The following FAM81A variants were observed in gnomAD, a reference collection of about 807,000 sequenced individuals.
FAM81A encodes the protein family with sequence similarity 81 member A.
Under a neutral mutation model 46.7 loss-of-function variants are expected in FAM81A, and 19 were observed. The ratio of observed to expected loss-of-function variants is 0.41; its 90% CI spans 0.28 to 0.60. The LOEUF (loss-of-function observed/expected upper bound fraction) is 0.60. Ranked by LOEUF, FAM81A falls within the 20% of genes least tolerant of loss-of-function variation. The pLI, the probability that FAM81A is intolerant of heterozygous loss-of-function variation, is 0.34. For synonymous variants in FAM81A, 183 were observed against 152.9 expected (o/e 1.20, Z -1.45); for missense variants, 377 against 453.5 (o/e 0.83, Z 1.53).
rs565144008 is a variant in FAM81A at position 59,498,353 on chromosome 15, T to C, written c.413+5964T>C. Among the ~76,000 whole-genome samples the C allele has an allele frequency of 1.4e-3, 217 of 152,344 alleles. 1 individual carries two copies. Among genetic ancestry groups the C allele is most frequent in the African/African-American group, 4.9e-3 (203 of 41,578 alleles). ...TTTATTGCCACTTAGATAAGTACAG[T>C]AGATTTTGTATATTGGTCTTGTGTC... On this transcript the variant is annotated intron_variant, in intron 4 of 8. Transcript: ENST00000288228.
At chr15:59,441,189 C>T (rs1355216164) in intron 1 of FAM81A, among the ~76,000 whole-genome samples, 2 of 152,234 alleles carry the variant, frequency 1.3e-5, no homozygotes, top group African/African-American at 4.8e-5. Context: ...GAACTGGCTG[C>T]ATTTGTTATT....
chr15:59,514,475 T>G, intron 7 of FAM81A, 51 bp downstream of exon 7: 1 of 1,565,156 alleles, frequency 6.4e-7, no homozygotes, highest in Non-Finnish European at 8.7e-7. Context: ...AGTGGGGGCC[T>G]ACACTGTTTG....
At chr15:59,480,206 G>A (rs2081832236) in intron 3 of FAM81A, among the ~76,000 whole-genome samples, 1 of 152,192 alleles carries the variant, frequency 6.6e-6, no homozygotes, top group Non-Finnish European at 1.5e-5. Context: ...CCCTGTAGGG[G>A]AATACTACCT....
intron 4 of FAM81A, among the ~76,000 whole-genome samples, chr15:59,492,745 TTTA>T (rs1212995278): frequency 3.3e-5 from 5 of 152,340 alleles, no homozygotes; most frequent in Admixed American, 6.5e-5. Flanking sequence ...GTTATTCATT[TTTA>T]TTTTATTTTC....
intron 1 of FAM81A, among the ~76,000 whole-genome samples, chr15:59,457,413 A>G (rs920803596): frequency 3.3e-5 from 5 of 152,176 alleles, no homozygotes; most frequent in African/African-American, 7.2e-5. Flanking sequence ...TTACTTCATA[A>G]TAGCCCCAAA....
intron 3 of FAM81A, among the ~76,000 whole-genome samples, chr15:59,484,727 T>G (rs1423160167): frequency 6.6e-6 from 1 of 152,150 alleles, no homozygotes; most frequent in Admixed American, 6.5e-5. Flanking sequence ...TTTCTTCTGC[T>G]TGAGAAAAGC....
chr15:59,402,464 A>T (rs1233514863), intron 2 of FAM81A: 1 of 152,174 alleles, frequency 6.6e-6, no homozygotes, highest in Non-Finnish European at 1.5e-5. Context: ...CGAGTTACAG[A>T]CTAGTGGCTC....
upstream of FAM81A, chr15:59,438,129 G>T (rs1206069425): frequency 6.8e-6 from 1 of 146,138 alleles, no homozygotes; most frequent in East Asian, 2.0e-4. Context: ...CGGGCCGCGC[G>T]CCGGGCCAGG....
chr15:59,482,873 G>C (rs76847308), intron 3 of FAM81A, among the ~76,000 whole-genome samples: 3,233 of 152,280 alleles, frequency 0.021, 43 homozygotes, highest in Non-Finnish European at 0.03. Flanking sequence ...AACCACATTA[G>C]TCAGATGCGA....
At chr15:59,487,691 C>T (rs1329835009) in intron 3 of FAM81A, among the ~76,000 whole-genome samples, 1 of 151,974 alleles carries the variant, frequency 6.6e-6, no homozygotes, top group Non-Finnish European at 1.5e-5. Context: ...TACAACCTAC[C>T]ACAATTGAAT....
Position 59,518,310 on chromosome 15 carries a change from A to AT in FAM81A, c.982+1477dup, listed in dbSNP as rs1459079016. 2.0e-5 allele frequency among the ~76,000 whole-genome samples: 3 copies of AT among 150,774 alleles called. No individual in the cohort carries two copies. The East Asian group carries it at 5.8e-4, about 29-fold the overall frequency. On this transcript the variant is annotated intron_variant, in intron 8 of 8. Coordinates refer to ENST00000288228, the MANE Select transcript of FAM81A (RefSeq NM_152450.3). ...GCCTTTTTACCCCTTTATTATTTCC[A>AT]TTTTTTTGGAAATTAAAAAAAATGA...
At chr15:59,505,321 G>A (rs182587164) in intron 4 of FAM81A, among the ~76,000 whole-genome samples, 10 of 152,136 alleles carry the variant, frequency 6.6e-5, no homozygotes, top group African/African-American at 1.7e-4. Flanking sequence ...AGACCAGCCC[G>A]GCCAACATGG....
intron 4 of FAM81A, among the ~76,000 whole-genome samples, chr15:59,503,989 C>T (rs916171435): frequency 1.3e-5 from 2 of 152,130 alleles, no homozygotes; most frequent in African/African-American, 4.8e-5. Context: ...TGAGACTTTT[C>T]AAACTACATT....
At position 59,423,248 on chromosome 15, in the gene FAM81A, G is replaced by A. The variant is rs188570274; in HGVS notation, c.-78+20890G>A. On this transcript the variant is annotated intron_variant, in intron 2 of 4. Transcript: ENST00000558348. ...TAGCAGCTTGGGACTACAGGCGCCC[G>A]CCAACACGCCTGGCTAATTTTTTGT... is the stretch of plus-strand genomic sequence containing the variant. Among the ~76,000 whole-genome samples the A allele has an allele frequency of 1.3e-3, 200 of 152,140 alleles. 1 individual carries two copies. Among genetic ancestry groups the A allele is most frequent in the African/African-American group, 4.3e-3 (179 of 41,514 alleles).
At chr15:59,412,052 G>A (rs2141539873) in intron 2 of FAM81A, among the ~76,000 whole-genome samples, 1 of 152,118 alleles carries the variant, frequency 6.6e-6, no homozygotes, top group South Asian at 2.1e-4. Flanking sequence ...GGGGAGAATG[G>A]GATAGAGTGA....
chr15:59,474,642 C>A (rs564854006), intron 3 of FAM81A, among the ~76,000 whole-genome samples: 1 of 152,264 alleles, frequency 6.6e-6, no homozygotes, highest in South Asian at 2.1e-4. Context: ...CAAACCTCAG[C>A]AAATACTTAT....
At chr15:59,467,855 T>G (rs1237159561) in intron 3 of FAM81A, among the ~76,000 whole-genome samples, 1 of 152,176 alleles carries the variant, frequency 6.6e-6, no homozygotes, top group African/African-American at 2.4e-5. Flanking sequence ...TGTCATAAAA[T>G]AGCTCTTATT....
At chr15:59,474,120 C>T (rs182536515) in intron 3 of FAM81A, among the ~76,000 whole-genome samples, 37 of 152,286 alleles carry the variant, frequency 2.4e-4, no homozygotes, top group African/African-American at 7.7e-4. Context: ...ACACTGAACT[C>T]GTGCCACTCT....
intron 2 of FAM81A, among the ~76,000 whole-genome samples, chr15:59,404,084 T>C (rs1303998939): frequency 1.3e-5 from 2 of 152,084 alleles, no homozygotes; most frequent in Non-Finnish European, 2.9e-5. Context: ...GGTTTCACCA[T>C]GTTGGCCAGG....
Sources: gnomAD v4.1 joint callset for allele counts (sites outside exome capture counted in the v4.1 genomes callset) on GRCh38, gnomAD v4.1.1 for gene constraint, MANE v1.5 for transcripts, NCBI Gene and HGNC (gene_info 2026-07-23, HGNC 2026-07-21) for gene names.